The following PWWP2A variants were observed in gnomAD, a reference collection of about 807,000 sequenced individuals.
The protein encoded by PWWP2A is PWWP domain containing 2A.
Under a neutral mutation model 48.5 loss-of-function variants are expected in PWWP2A, and 18 were observed. The ratio of observed to expected loss-of-function variants is 0.37; its 90% CI spans 0.26 to 0.55. The LOEUF is 0.55. Ranked by LOEUF, PWWP2A falls within the 20% of genes least tolerant of loss-of-function variation. The pLI, the probability that PWWP2A is intolerant of heterozygous loss-of-function variation, is 0.81. For synonymous variants in PWWP2A, 396 were observed against 387.7 expected (o/e 1.02, Z -0.25); for missense variants, 867 against 976.4 (o/e 0.89, Z 1.49).
At chr5:160,086,994 A>AG (rs1401341390), downstream of PWWP2A, among the ~76,000 whole-genome samples, 1 of 152,208 alleles carries the variant, frequency 6.6e-6, no homozygotes, top group African/African-American at 2.4e-5. Context: ...TGTTACTGGA[A>AG]GGGAACAGTT....
At chr5:160,081,199 T>C (rs139431304) in intron 2 of PWWP2A, among the ~76,000 whole-genome samples, 6 of 152,082 alleles carry the variant, frequency 3.9e-5, no homozygotes, top group African/African-American at 1.4e-4. Context: ...TGAACCGTCA[T>C]CTCTGTCCAC....
At chr5:160,088,572 T>C (rs1353242661), downstream of PWWP2A, among the ~76,000 whole-genome samples, 4 of 152,160 alleles carry the variant, frequency 2.6e-5, no homozygotes, top group African/African-American at 9.7e-5. Flanking sequence ...TTTTAAGAGA[T>C]TGTTTTAATA....
the PWWP2A span, among the ~76,000 whole-genome samples, chr5:160,047,378 T>C: frequency 2.6e-5 from 4 of 152,342 alleles, no homozygotes; most frequent in East Asian, 1.9e-4. Flanking sequence ...ACATGGCTAA[T>C]TGATTAATTA....
rs905566112 is a variant in PWWP2A, at chr5:160,078,581, C to T, written c.1670-413G>A. Among the ~76,000 whole-genome samples the T allele has an allele frequency of 1.3e-5, 2 of 152,138 alleles. No homozygotes were observed. The highest frequency in any genetic ancestry group is 6.5e-5 in the Admixed American group (1 of 15,274). Reference sequence around the variant, plus strand: ...GGGACTGCTATGAAGCACCAACAGCCTTCTACTAGCACAGACTAGCCTACA... The same window carrying T: ...GGGACTGCTATGAAGCACCAACAGCTTTCTACTAGCACAGACTAGCCTACA... On this transcript the variant is annotated intron_variant, in intron 3 of 3. Coordinates refer to the PWWP2A transcript ENST00000456329. This position sits in a 1 kb window ranked among gnomAD's most constrained non-coding sequence, Gnocchi z 4.2.
intron 1 of PWWP2A, among the ~76,000 whole-genome samples, chr5:160,118,422 C>A (rs114738661): frequency 2.6e-5 from 4 of 150,958 alleles, no homozygotes; most frequent in East Asian, 1.9e-4. Context: ...TGCCCCCCGC[C>A]CCCCCGTCCC....
At chr5:160,089,811 CT>C (rs1180279109), downstream of PWWP2A, 3 of 985,418 alleles carry the variant, frequency 3.0e-6, no homozygotes, top group East Asian at 3.4e-4. Context: ...AAAATACCCA[CT>C]TCTGTTATCT....
At chr5:160,089,847 A>G, downstream of PWWP2A, 1 of 985,382 alleles carries the variant, frequency 1.0e-6, no homozygotes, top group Non-Finnish European at 1.2e-6. Context: ...AGTGCCTTTT[A>G]TCATTTCAAA....
intron 5 of PWWP2A, among the ~76,000 whole-genome samples, chr5:160,063,256 C>T (rs1490673584): frequency 6.6e-6 from 1 of 152,114 alleles, no homozygotes; most frequent in Non-Finnish European, 1.5e-5. Context: ...TGCTCTGTTA[C>T]CCAGGCTGGA....
intron 1 of PWWP2A, among the ~76,000 whole-genome samples, chr5:160,111,225 T>C (rs368234638): frequency 6.6e-6 from 1 of 152,062 alleles, no homozygotes. Flanking sequence ...TGGAGTGCAA[T>C]AGCATGATCT....
downstream of PWWP2A, chr5:160,089,363 C>A: frequency 3.0e-6 from 1 of 338,492 alleles, no homozygotes; most frequent in Non-Finnish European, 5.5e-6. Flanking sequence ...CCACCATGCC[C>A]AGCTAAGTTT....
At chr5:160,104,783 C>T (rs1217735702) in intron 1 of PWWP2A, among the ~76,000 whole-genome samples, 2 of 151,962 alleles carry the variant, frequency 1.3e-5, no homozygotes, top group South Asian at 4.1e-4. Context: ...CCAGCCTGGG[C>T]GACAGAGTGA....
chr5:160,109,364 AT>A (rs1402405221), intron 1 of PWWP2A, among the ~76,000 whole-genome samples: 274 of 151,658 alleles, frequency 1.8e-3, no homozygotes, highest in African/African-American at 6.2e-3. Context: ...AAAAAAAAAA[AT>A]GATTCAGAAA....
chr5:160,078,118 T>C lies in PWWP2A; in HGVS notation c.*37A>G. 6.5e-7 allele frequency: 1 copy of C among 1,533,270 alleles called. No homozygotes were observed. The highest frequency in any genetic ancestry group is 8.9e-7 in the Non-Finnish European group (1 of 1,127,656). 95.0% of individuals were successfully genotyped at this position (1,533,270 alleles called of 1,614,324 possible). ...AGTCCTGATGCTCTGGTGTTCTCTG[T>C]GTCATTGTGGTACAGGTCCATGAAA... On this transcript the variant is annotated 3_prime_UTR_variant, in exon 4 of 4. Transcript: ENST00000456329. The surrounding 1 kb of genome is among the most constrained non-coding windows in gnomAD (Gnocchi z 4.2).
chr5:160,080,346 T>C (rs1055747671), intron 3 of PWWP2A, among the ~76,000 whole-genome samples: 7 of 152,146 alleles, frequency 4.6e-5, no homozygotes, highest in African/African-American at 1.7e-4. Context: ...GGAGACTCAG[T>C]TGCTATTTGA....
chr5:160,108,822 T>G (rs1207315903), intron 1 of PWWP2A, among the ~76,000 whole-genome samples: 1 of 152,188 alleles, frequency 6.6e-6, no homozygotes, highest in African/African-American at 2.4e-5. Context: ...CCCTTTAATA[T>G]GCACATACCA....
At position 160,092,700 on chromosome 5, in the gene PWWP2A, G is replaced by C. The variant is rs1367194497; in HGVS notation, c.1950C>G (p.Gly650=). Reference sequence around the variant, plus strand: ...CAATGTCCCCTACACATATGGTCCTGCCATCTGGTGTGACGCATTTAGAGA... The same window carrying C: ...CAATGTCCCCTACACATATGGTCCTCCCATCTGGTGTGACGCATTTAGAGA... The part of the protein sequence containing the change: ...KNVSKCVTPD[G]RTICVGDIVW... Residue 650 remains glycine, a synonymous_variant, in exon 2 of 2, where the codon GGC becomes GGG. Coordinates refer to ENST00000307063, the MANE Select transcript of PWWP2A (RefSeq NM_001130864.2). The C allele has an allele frequency of 1.3e-6, 2 of 1,551,692 alleles. No individual in the cohort carries two copies. Among genetic ancestry groups the C allele is most frequent in the Admixed American group, 3.9e-5 (2 of 51,000 alleles).
chr5:160,048,214 C>T, the PWWP2A span, among the ~76,000 whole-genome samples: 1 of 134,450 alleles, frequency 7.4e-6, no homozygotes, highest in Non-Finnish European at 1.5e-5. Flanking sequence ...GTGATGCAAT[C>T]GCCACTCACT....
chr5:160,089,672 A>G, downstream of PWWP2A: 1 of 1,284,532 alleles, frequency 7.8e-7, no homozygotes, highest in Non-Finnish European at 1.0e-6. Context: ...TCCAGAAATA[A>G]AGACATTCTT....
chr5:160,082,990 T>TA lies in PWWP2A; in HGVS notation c.1550-2221dup, dbSNP rs556096276. On this transcript the variant is annotated intron_variant, in intron 2 of 3. Coordinates refer to the PWWP2A transcript ENST00000456329. ...ACGAAAGAAGTAGAGTTTATGCTCTTAAAGAAAGCCCACAATTAAAAACTA... is the reference window on the plus strand; with the variant it reads ...ACGAAAGAAGTAGAGTTTATGCTCTTAAAAGAAAGCCCACAATTAAAAACTA... Among the ~76,000 whole-genome samples the TA allele has an allele frequency of 2.2e-3, 341 of 152,312 alleles. 2 individuals carry two copies. The highest frequency in any genetic ancestry group is 7.6e-3 in the African/African-American group (318 of 41,570).
Sources: gnomAD v4.1 joint callset for allele counts (sites outside exome capture counted in the v4.1 genomes callset) on GRCh38, gnomAD v4.1.1 for gene constraint, Gnocchi (gnomAD v3.1) non-coding constraint, MANE v1.5 for transcripts, NCBI Gene and HGNC (gene_info 2026-07-23, HGNC 2026-07-21) for gene names.